LRRC7: variants seen among roughly 807,000 people sequenced by gnomAD.
The protein encoded by LRRC7 is leucine-rich repeat-containing protein 7.
Under a neutral mutation model 175.7 loss-of-function variants are expected in LRRC7, and 23 were observed. That is an observed-to-expected ratio of 0.13 (90% CI 0.09 to 0.19). The LOEUF (loss-of-function observed/expected upper bound fraction) is 0.19, where lower values mean the gene tolerates loss of function less well. Ranked by LOEUF, LRRC7 falls within the 10% of genes least tolerant of loss-of-function variation. The pLI is 1.00. For synonymous variants in LRRC7, 685 were observed against 680.9 expected, an observed-to-expected ratio of 1.01 and a Z score of -0.09; for missense variants, 1,354 against 1,904.7, an observed-to-expected ratio of 0.71 and a Z score of 5.38.
intron 4 of LRRC7, among the ~76,000 whole-genome samples, chr1:69,800,013 G>C (rs1344178468): frequency 6.6e-6 from 1 of 151,952 alleles, no homozygotes; most frequent in African/African-American, 2.4e-5. Context: ...TTTCCCCAGT[G>C]TATGTTTTTG....
At chr1:69,918,970 T>C (rs1646800435) in intron 7 of LRRC7, among the ~76,000 whole-genome samples, 1 of 152,144 alleles carries the variant, frequency 6.6e-6, no homozygotes. Flanking sequence ...TTTTAAAATA[T>C]GGTTTCCCGG....
intron 10 of LRRC7, among the ~76,000 whole-genome samples, chr1:69,994,155 G>A (rs959166583): frequency 1.5e-4 from 23 of 152,130 alleles, no homozygotes; most frequent in Middle Eastern, 6.8e-3. Flanking sequence ...ATTCAGATTT[G>A]TTTTCAATTT....
chr1:69,949,889 T>C (rs906554780), intron 8 of LRRC7, among the ~76,000 whole-genome samples: 2 of 152,172 alleles, frequency 1.3e-5, no homozygotes, highest in Non-Finnish European at 2.9e-5. Flanking sequence ...TCGTTTTGGT[T>C]TGTGTTATCA....
chr1:69,608,866 C>CTA (rs200475842), intron 1 of LRRC7, among the ~76,000 whole-genome samples: 97 of 41,142 alleles, frequency 2.4e-3, no homozygotes, highest in East Asian at 2.7e-3. Context: ...CTCTCTCTCT[C>CTA]TATATATATA....
At chr1:70,075,591 T>C (rs1571250536) in intron 23 of LRRC7, among the ~76,000 whole-genome samples, 1 of 152,296 alleles carries the variant, frequency 6.6e-6, no homozygotes. Context: ...AAGGCTGTAT[T>C]TGAATAATGG....
At chr1:69,833,209 A>G (rs1431835056) in intron 5 of LRRC7, among the ~76,000 whole-genome samples, 1 of 152,200 alleles carries the variant, frequency 6.6e-6, no homozygotes, top group Non-Finnish European at 1.5e-5. Context: ...CAGTCACGTC[A>G]AAATGGATGG....
At chr1:69,857,095 G>A (rs1683743904) in intron 7 of LRRC7, among the ~76,000 whole-genome samples, 1 of 152,002 alleles carries the variant, frequency 6.6e-6, no homozygotes, top group Non-Finnish European at 1.5e-5. Context: ...AATAAATTCG[G>A]TATTGATGGG....
rs547279063 is a variant in LRRC7, at chr1:70,109,766, TAAC to T, written c.4620+1945_4620+1947del. On this transcript the variant is annotated intron_variant, in intron 26 of 26. Coordinates refer to ENST00000651989, the MANE Select transcript of LRRC7 (RefSeq NM_001370785.2). ...TAGTGAAAAACAGCTGAGAATAAAC[TAAC>T]AACATAACTCTCTAACATTTGGTAA... is the stretch of plus-strand genomic sequence containing the variant. 2.6e-5 allele frequency among the ~76,000 whole-genome samples: 4 copies of T among 152,300 alleles called. No homozygotes were observed. In the East Asian group the frequency reaches 7.7e-4, roughly 29 times the overall value.
At chr1:69,922,864 G>T (rs913353080) in intron 7 of LRRC7, among the ~76,000 whole-genome samples, 1 of 151,576 alleles carries the variant, frequency 6.6e-6, no homozygotes, top group African/African-American at 2.4e-5. Flanking sequence ...ACAATGTGCA[G>T]GTTAGTTACG....
rs1405063688 is a variant in LRRC7, at chr1:70,096,730, A to G, written c.4545+6911A>G. On this transcript the variant is annotated intron_variant, in intron 25 of 26. Coordinates refer to ENST00000651989, the MANE Select transcript of LRRC7 (RefSeq NM_001370785.2). ...CTAGACTGAAAAAAAAAGACCCATGATATGTTCGAGTTTTGTATGACTTGC... is the reference window on the plus strand; with the variant it reads ...CTAGACTGAAAAAAAAAGACCCATGGTATGTTCGAGTTTTGTATGACTTGC... 2.6e-5 allele frequency among the ~76,000 whole-genome samples: 4 copies of G among 152,114 alleles called. 1 individual carries two copies. The South Asian group carries it at 8.3e-4, about 32-fold the overall frequency.
intron 11 of LRRC7, among the ~76,000 whole-genome samples, chr1:70,003,183 C>T (rs1655694477): frequency 6.6e-6 from 1 of 152,012 alleles, no homozygotes; most frequent in Non-Finnish European, 1.5e-5. Context: ...AAGAACAAGC[C>T]CTGGTTTCTC....
chr1:69,672,363 T>C (rs1187680130), intron 1 of LRRC7, among the ~76,000 whole-genome samples: 2 of 152,334 alleles, frequency 1.3e-5, no homozygotes, highest in Non-Finnish European at 2.9e-5. Flanking sequence ...AGCACAGATA[T>C]TGAACATTTC....
chr1:69,864,744 T>C (rs1042671869), intron 7 of LRRC7, among the ~76,000 whole-genome samples: 2 of 152,132 alleles, frequency 1.3e-5, no homozygotes, highest in Non-Finnish European at 2.9e-5. Flanking sequence ...AGAAGAAAAT[T>C]CATGGTTACA....
At chr1:69,756,560 G>C (rs1670454329) in intron 2 of LRRC7, among the ~76,000 whole-genome samples, 1 of 151,604 alleles carries the variant, frequency 6.6e-6, no homozygotes, top group Non-Finnish European at 1.5e-5. Context: ...AATAAGAATG[G>C]AACTGAGTTT....
chr1:70,052,809 A>G (rs893223329), intron 22 of LRRC7, among the ~76,000 whole-genome samples: 1 of 152,124 alleles, frequency 6.6e-6, no homozygotes, highest in African/African-American at 2.4e-5. Flanking sequence ...GAACAACTCT[A>G]AGATGGTTAT....
Position 69,905,239 on chromosome 1 carries a change from G to T in LRRC7, c.648-26268G>T, listed in dbSNP as rs199742059. ...GATTGCTGGATCAAATGGTAATTCT[G>T]TTGTAAGTTCTTTTTATTATTATTA... On this transcript the variant is annotated intron_variant, in intron 7 of 26. Transcript: ENST00000651989. Among the ~76,000 whole-genome samples the T allele has an allele frequency of 4.1e-4, 59 of 144,738 alleles. No individual in the cohort carries two copies. In the East Asian group the frequency reaches 8.2e-3, roughly 20 times the overall value. 95.0% of individuals were successfully genotyped at this position (144,738 alleles called of 152,430 possible).
chr1:69,643,087 G>A (rs1353091278), intron 1 of LRRC7, among the ~76,000 whole-genome samples: 1 of 152,048 alleles, frequency 6.6e-6, no homozygotes, highest in African/African-American at 2.4e-5. Context: ...GAAGGCCCAA[G>A]AAGCAGGGGC....
At chr1:69,991,171 C>A (rs796670101) in intron 10 of LRRC7, among the ~76,000 whole-genome samples, 84 of 136,042 alleles carry the variant, frequency 6.2e-4, no homozygotes, top group African/African-American at 2.0e-3. Flanking sequence ...AAAAAAAAAA[C>A]AAACTGGTAG....
At chr1:69,939,033 A>ATC (rs1288780477) in intron 8 of LRRC7, among the ~76,000 whole-genome samples, 2 of 69,280 alleles carry the variant, frequency 2.9e-5, no homozygotes, top group African/African-American at 8.0e-5. Context: ...ATATATATCT[A>ATC]TATATATCTA....
Sources: allele counts gnomAD v4.1 joint callset (sites outside exome capture counted in the v4.1 genomes callset), GRCh38; gene constraint gnomAD v4.1.1; transcripts MANE v1.5; gene names NCBI Gene and HGNC (gene_info 2026-07-23, HGNC 2026-07-21).